Variants in STAU1 observed in about 807,000 individuals in gnomAD.
STAU1 encodes the protein double-stranded RNA-binding protein Staufen homolog 1.
A neutral mutation model predicts 62.9 loss-of-function variants in STAU1; 13 were observed. The observed-to-expected ratio is 0.21, with a 90% confidence interval of 0.13 to 0.33. The LOEUF is 0.33. Ranked by LOEUF, STAU1 falls within the 10% of genes least tolerant of loss-of-function variation. STAU1 has a pLI of 1.00. For synonymous variants in STAU1, 269 were observed against 265.1 expected, an observed-to-expected ratio of 1.01 and a Z score of -0.14; for missense variants, 571 against 712.1, an observed-to-expected ratio of 0.80 and a Z score of 2.25.
the STAU1 span, among the ~76,000 whole-genome samples, chr20:49,216,794 A>G: frequency 6.6e-6 from 1 of 152,178 alleles, no homozygotes; most frequent in Admixed American, 6.5e-5. Context: ...TAGGAAGGTG[A>G]AGCAGATCTC....
At chr20:49,215,721 G>A in the STAU1 span, among the ~76,000 whole-genome samples, 1 of 152,204 alleles carries the variant, frequency 6.6e-6, no homozygotes, top group East Asian at 1.9e-4. Flanking sequence ...AAAACTCCCT[G>A]CTTTGCCAGG....
the STAU1 span, among the ~76,000 whole-genome samples, chr20:49,196,329 G>A: frequency 2.7e-5 from 4 of 150,780 alleles, no homozygotes; most frequent in Admixed American, 6.6e-5. Flanking sequence ...CCAGCTACTC[G>A]GGAGGCTGAG....
At chr20:49,187,788 C>T (rs968883359) in intron 1 of STAU1, among the ~76,000 whole-genome samples, 3 of 148,834 alleles carry the variant, frequency 2.0e-5, no homozygotes, top group African/African-American at 7.3e-5. Context: ...CCCCCCCCCC[C>T]GCCTGCGCCC....
the STAU1 span, among the ~76,000 whole-genome samples, chr20:49,196,701 G>A: frequency 1.3e-5 from 2 of 151,578 alleles, no homozygotes; most frequent in Non-Finnish European, 2.9e-5. Flanking sequence ...GGAGCCGGAG[G>A]CTGCAGGCTG....
At chr20:49,132,314 G>A (rs930443633) in intron 6 of STAU1, among the ~76,000 whole-genome samples, 1 of 152,134 alleles carries the variant, frequency 6.6e-6, no homozygotes, top group African/African-American at 2.4e-5. Flanking sequence ...CCTCTCCAAC[G>A]GCTTGCATTG....
intron 4 of STAU1, 33 bp downstream of exon 4, chr20:49,153,900 A>G (rs769253122): frequency 2.0e-6 from 3 of 1,478,556 alleles, no homozygotes; most frequent in Non-Finnish European, 2.7e-6. Flanking sequence ...TTTCTCCTGT[A>G]TTTTACAAAA....
upstream of STAU1, among the ~76,000 whole-genome samples, chr20:49,188,553 C>T (rs2146666452): frequency 6.6e-6 from 1 of 152,354 alleles, no homozygotes; most frequent in East Asian, 1.9e-4. Context: ...AGCGGCCCGT[C>T]CTGAGTCCCG....
At chr20:49,158,556 T>C (rs2093399928) in intron 3 of STAU1, 1 of 1,273,276 alleles carries the variant, frequency 7.9e-7, no homozygotes, top group Non-Finnish European at 1.0e-6. Context: ...ATGCCTGTAA[T>C]CCTAGCACTT....
chr20:49,183,425 G>A (rs1182290925), intron 1 of STAU1, among the ~76,000 whole-genome samples: 2 of 152,190 alleles, frequency 1.3e-5, no homozygotes, highest in Non-Finnish European at 2.9e-5. Flanking sequence ...GGAGGCTGAG[G>A]TGGGAAGATG....
intron 2 of STAU1, among the ~76,000 whole-genome samples, chr20:49,172,865 T>C (rs1167818287): frequency 6.6e-6 from 1 of 151,936 alleles, no homozygotes; most frequent in Non-Finnish European, 1.5e-5. Context: ...AAAGGAATCC[T>C]GAGGCATGAT....
intron 3 of STAU1, among the ~76,000 whole-genome samples, chr20:49,159,457 TATAATAAAAA>T (rs2093417173): frequency 6.6e-6 from 1 of 152,134 alleles, no homozygotes; most frequent in South Asian, 2.1e-4. Flanking sequence ...TTAGCCAAAA[TATAATAAAAA>T]GTTAATAAAG....
upstream of STAU1, among the ~76,000 whole-genome samples, chr20:49,190,941 T>G (rs1186450530): frequency 6.7e-6 from 1 of 150,144 alleles, no homozygotes; most frequent in East Asian, 2.0e-4. Context: ...AATCTCACTC[T>G]GTTGCCCAAG....
chr20:49,172,402 T>C lies in STAU1; in HGVS notation c.-85+1793A>G, dbSNP rs185124835. 3.3e-3 allele frequency among the ~76,000 whole-genome samples: 506 copies of C among 152,306 alleles called. 1 individual carries two copies. Among genetic ancestry groups the C allele is most frequent in the Middle Eastern group, 0.01 (3 of 294 alleles). ...TTCAAGCACATACATTTGTAAACAG[T>C]TTTTAATCTAAACTTATACAAACAT... On this transcript the variant is annotated intron_variant, in intron 2 of 13. Transcript: ENST00000371856.
At chr20:49,120,739 C>A (rs2145850552) in intron 8 of STAU1, among the ~76,000 whole-genome samples, 1 of 152,298 alleles carries the variant, frequency 6.6e-6, no homozygotes, top group East Asian at 1.9e-4. Context: ...TGCAGAGAAG[C>A]CACTCATATC....
the STAU1 span, among the ~76,000 whole-genome samples, chr20:49,204,614 A>G: frequency 0.17 from 9,559 of 55,388 alleles, 800 homozygotes; most frequent in Non-Finnish European, 0.24. Context: ...ATATATATAT[A>G]TATATATATG....
intron 1 of STAU1, among the ~76,000 whole-genome samples, 171 bp downstream of exon 1, chr20:49,187,945 G>C (rs2093811579): frequency 6.6e-6 from 1 of 151,884 alleles, no homozygotes; most frequent in Non-Finnish European, 1.5e-5. Context: ...GCGAGGGAAC[G>C]CAAGAGGACC....
At chr20:49,208,921 C>T in the STAU1 span, among the ~76,000 whole-genome samples, 3 of 151,086 alleles carry the variant, frequency 2.0e-5, no homozygotes, top group African/African-American at 4.9e-5. Flanking sequence ...TGCGCCCGGC[C>T]GATCCTGTCT....
the STAU1 span, among the ~76,000 whole-genome samples, chr20:49,209,484 C>CCTA: frequency 6.6e-6 from 1 of 151,374 alleles, no homozygotes; most frequent in Admixed American, 6.6e-5. Context: ...GTGCCTCCCA[C>CCTA]CTGTAATCTC....
chr20:49,147,909 T>C (rs577535085), intron 5 of STAU1, among the ~76,000 whole-genome samples: 2 of 152,356 alleles, frequency 1.3e-5, no homozygotes, highest in African/African-American at 4.8e-5. Context: ...GGCATCTGTA[T>C]TTACTTGTAT....
Sources: allele counts gnomAD v4.1 joint callset (sites outside exome capture counted in the v4.1 genomes callset), GRCh38; gene constraint gnomAD v4.1.1; transcripts MANE v1.5; gene names NCBI Gene and HGNC (gene_info 2026-07-23, HGNC 2026-07-21).